DNAH11: variants seen among roughly 807,000 people sequenced by gnomAD.
DNAH11 encodes the protein dynein axonemal heavy chain 11.
DNAH11 carries 442 observed loss-of-function variants against 526.0 expected under a neutral mutation model. The ratio of observed to expected loss-of-function variants is 0.84; its 90% CI spans 0.78 to 0.91. DNAH11 has a LOEUF of 0.91. Among genes scored for constraint, DNAH11 ranks in the 40% least tolerant of loss-of-function variants. DNAH11 has a pLI of 0.00. For synonymous variants in DNAH11, 2,461 were observed against 1,935.9 expected, an observed-to-expected ratio of 1.27 and a Z score of -7.12; for missense variants, 6,989 against 5,448.7, an observed-to-expected ratio of 1.28 and a Z score of -8.90.
chr7:21,660,366 T>A (rs1216141102), intron 30 of DNAH11, among the ~76,000 whole-genome samples: 2 of 152,052 alleles, frequency 1.3e-5, no homozygotes, highest in Admixed American at 1.3e-4. Context: ...CAAACTTAAA[T>A]CTTTCTACAT....
At chr7:21,898,842 C>T (rs1328782844) in intron 79 of DNAH11, among the ~76,000 whole-genome samples, 2 of 152,192 alleles carry the variant, frequency 1.3e-5, no homozygotes, top group Non-Finnish European at 1.5e-5. Flanking sequence ...AGCTACTGCA[C>T]GTGCTTAGAC....
intron 68 of DNAH11, among the ~76,000 whole-genome samples, chr7:21,856,548 G>T (rs77340991): frequency 6.6e-6 from 1 of 152,158 alleles, no homozygotes; most frequent in Non-Finnish European, 1.5e-5. Context: ...ATACTGGGCA[G>T]TCCCCCCTTG....
intron 45 of DNAH11, among the ~76,000 whole-genome samples, chr7:21,734,831 C>T (rs1227497524): frequency 6.6e-6 from 1 of 151,402 alleles, no homozygotes; most frequent in African/African-American, 2.4e-5. Context: ...GCACTCCAGC[C>T]TGGGTATAGG....
At chr7:21,648,026 C>T (rs1787439438) in intron 28 of DNAH11, among the ~76,000 whole-genome samples, 1 of 152,078 alleles carries the variant, frequency 6.6e-6, no homozygotes, top group Admixed American at 6.6e-5. Flanking sequence ...ATTAGCCAAT[C>T]ATTAGAAGAT....
intron 25 of DNAH11, among the ~76,000 whole-genome samples, chr7:21,634,010 T>C (rs1786745095): frequency 6.6e-6 from 1 of 152,204 alleles, no homozygotes; most frequent in Admixed American, 6.5e-5. Flanking sequence ...TACATGGTCT[T>C]GAATTCTAAA....
chr7:21,764,990 A>G (rs977406864), intron 54 of DNAH11, among the ~76,000 whole-genome samples: 6 of 152,216 alleles, frequency 3.9e-5, no homozygotes, highest in African/African-American at 1.4e-4. Context: ...AGATGATAAG[A>G]CATTGTTTTT....
Position 21,647,792 on chromosome 7 carries a change from T to C in DNAH11, c.4945-8040T>C, listed in dbSNP as rs531050312. ...AAAAACACCTGTAACTCTAAAATTTTATACCCAGTAAAAATACCTTTTTAA... is the reference window on the plus strand; with the variant it reads ...AAAAACACCTGTAACTCTAAAATTTCATACCCAGTAAAAATACCTTTTTAA... On this transcript the variant is annotated intron_variant, in intron 28 of 81. Coordinates refer to ENST00000409508, the MANE Select transcript of DNAH11 (RefSeq NM_001277115.2). 1.3e-3 allele frequency among the ~76,000 whole-genome samples: 204 copies of C among 152,288 alleles called. 1 individual carries two copies. The highest frequency in any genetic ancestry group is 6.8e-3 in the Middle Eastern group (2 of 294).
At chr7:21,553,135 G>A (rs909456844) in intron 2 of DNAH11, among the ~76,000 whole-genome samples, 2 of 135,284 alleles carry the variant, frequency 1.5e-5, no homozygotes, top group African/African-American at 6.6e-5. Context: ...AATTTGTAAG[G>A]GTGTGATTTT....
At chr7:21,658,120 C>T (rs1583569407) in intron 29 of DNAH11, among the ~76,000 whole-genome samples, 2 of 151,706 alleles carry the variant, frequency 1.3e-5, no homozygotes, top group Admixed American at 1.3e-4. Flanking sequence ...GGAAACTGGG[C>T]TAAGTTGTAT....
intron 68 of DNAH11, among the ~76,000 whole-genome samples, chr7:21,856,897 A>T (rs1782872241): frequency 6.6e-6 from 1 of 152,210 alleles, no homozygotes; most frequent in South Asian, 2.1e-4. Context: ...TGAAAATGGA[A>T]TGCTTTTCGC....
At chr7:21,739,378 A>C (rs1395968914) in intron 47 of DNAH11, among the ~76,000 whole-genome samples, 193 bp from the exon 48 acceptor site, 1 of 152,190 alleles carries the variant, frequency 6.6e-6, no homozygotes, top group Non-Finnish European at 1.5e-5. Context: ...TTTGTCATCA[A>C]ATGAGCTAAG....
At chr7:21,666,941 A>C (rs1368741437) in intron 30 of DNAH11, among the ~76,000 whole-genome samples, 1 of 152,126 alleles carries the variant, frequency 6.6e-6, no homozygotes, top group Non-Finnish European at 1.5e-5. Context: ...ACAGGAACAG[A>C]TGATTTGAGG....
intron 65 of DNAH11, among the ~76,000 whole-genome samples, chr7:21,836,686 A>T (rs1236554405): frequency 6.6e-6 from 1 of 152,182 alleles, no homozygotes; most frequent in East Asian, 1.9e-4. Context: ...GGTCTGGACA[A>T]AGATTTTTGG....
chr7:21,563,414 T>G (rs10279793), intron 5 of DNAH11, among the ~76,000 whole-genome samples: 124,701 of 151,956 alleles, frequency 0.82, 51,481 homozygotes, highest in Non-Finnish European at 0.87. Context: ...TTGCTATCTT[T>G]CCCAGGCTGG....
At position 21,885,993 on chromosome 7, in the gene DNAH11, C is replaced by T. The variant is rs76195150; in HGVS notation, c.12507+1583C>T. ...GTGGTGGCTGTAGTTTTCTCATGCTCTCTCTCCCTCATGGCATCCAGGTTC... is the reference window on the plus strand; with the variant it reads ...GTGGTGGCTGTAGTTTTCTCATGCTTTCTCTCCCTCATGGCATCCAGGTTC... On this transcript the variant is annotated intron_variant, in intron 76 of 81. Transcript: ENST00000409508. Among the ~76,000 whole-genome samples, 431 of 152,276 alleles carry T rather than the reference C, an allele frequency of 2.8e-3. 6 individuals carry two copies. In the East Asian group the frequency reaches 0.039, roughly 14 times the overall value.
chr7:21,620,220 CTT>C (rs1356713701), intron 25 of DNAH11, 142 bp downstream of exon 25: 4 of 739,900 alleles, frequency 5.4e-6, no homozygotes, highest in Non-Finnish European at 6.1e-6. Flanking sequence ...ATCTCATACA[CTT>C]AACATTTTTT....
intron 32 of DNAH11, among the ~76,000 whole-genome samples, chr7:21,684,845 A>T (rs147688393): frequency 1.3e-5 from 2 of 152,238 alleles, no homozygotes; most frequent in African/African-American, 4.8e-5. Flanking sequence ...TAGTATTCCA[A>T]TCTCTGCTGA....
At chr7:21,627,236 G>A (rs967580530) in intron 25 of DNAH11, among the ~76,000 whole-genome samples, 1 of 152,048 alleles carries the variant, frequency 6.6e-6, no homozygotes, top group African/African-American at 2.4e-5. Flanking sequence ...TATTCACTTC[G>A]TTAATTGTTT....
At chr7:21,713,969 C>G (rs1458861308) in intron 42 of DNAH11, among the ~76,000 whole-genome samples, 1 of 152,182 alleles carries the variant, frequency 6.6e-6, no homozygotes, top group East Asian at 1.9e-4. Flanking sequence ...AGCCCTGACT[C>G]CCTCTGTACA....
Sources: gnomAD v4.1 joint callset for allele counts (sites outside exome capture counted in the v4.1 genomes callset) on GRCh38, gnomAD v4.1.1 for gene constraint, MANE v1.5 for transcripts, NCBI Gene and HGNC (gene_info 2026-07-23, HGNC 2026-07-21) for gene names.